PLXDC2: variants seen among roughly 807,000 people sequenced by gnomAD.
PLXDC2 encodes plexin domain containing 2.
Under a neutral mutation model 68.9 loss-of-function variants are expected in PLXDC2, and 40 were observed. The observed-to-expected ratio is 0.58, with a 90% confidence interval of 0.45 to 0.76. The LOEUF (loss-of-function observed/expected upper bound fraction) is 0.76. Among genes scored for constraint, PLXDC2 ranks in the 30% least tolerant of loss-of-function variants. The pLI is 0.00. For synonymous variants in PLXDC2, 243 were observed against 234.2 expected, an observed-to-expected ratio of 1.04 and a Z score of -0.34; for missense variants, 644 against 661.9, an observed-to-expected ratio of 0.97 and a Z score of 0.30.
At chr10:20,064,893 T>C (rs555385471) in intron 3 of PLXDC2, among the ~76,000 whole-genome samples, 6 of 25,712 alleles carry the variant, frequency 2.3e-4, no homozygotes, top group African/African-American at 1.0e-3. Context: ...GTTTTTGTTT[T>C]TTGTTTTGTT....
chr10:20,116,854 C>T (rs1291890374), intron 4 of PLXDC2, among the ~76,000 whole-genome samples: 1 of 151,862 alleles, frequency 6.6e-6, no homozygotes, highest in African/African-American at 2.4e-5. Flanking sequence ...TGCTTATTGC[C>T]TAATTGCAAG....
At chr10:20,019,053 G>C (rs1013827484) in intron 2 of PLXDC2, among the ~76,000 whole-genome samples, 10 of 152,228 alleles carry the variant, frequency 6.6e-5, no homozygotes, top group East Asian at 5.8e-4. Context: ...GCCAAGGCGA[G>C]AGGATCCCTT....
chr10:20,194,452 A>G (rs1224822724), intron 9 of PLXDC2, among the ~76,000 whole-genome samples: 1 of 152,036 alleles, frequency 6.6e-6, no homozygotes, highest in African/African-American at 2.4e-5. Context: ...AATTAATGAA[A>G]TTGAACAATG....
rs116822863 is a variant in PLXDC2 at position 20,286,749 on chromosome 10, G to A, written c.*6930G>A. ...TTCTTTTAGTTGTTGTTTGAGATGG[G>A]GTTTTGCTCTTGTTACCCAGGCTGG... On this transcript the variant is annotated 3_prime_UTR_variant, in exon 14 of 14. Transcript: ENST00000377252. The A allele has an allele frequency of 0.25, 37,702 of 151,722 alleles. 5,051 individuals carry two copies. The highest frequency in any genetic ancestry group is 0.46 in the East Asian group (2,358 of 5,086). The allele number at this position is 151,722 out of a possible 1,614,324, so 9.4% of individuals were successfully genotyped here.
intron 12 of PLXDC2, among the ~76,000 whole-genome samples, chr10:20,232,201 C>G (rs1835374184): frequency 6.6e-6 from 1 of 152,084 alleles, no homozygotes; most frequent in African/African-American, 2.4e-5. Flanking sequence ...ATTAGGATAG[C>G]TAAACACTAC....
chr10:19,968,315 C>A (rs575645063), intron 1 of PLXDC2, among the ~76,000 whole-genome samples: 1 of 152,066 alleles, frequency 6.6e-6, no homozygotes, highest in African/African-American at 2.4e-5. Flanking sequence ...TCCTTCATTG[C>A]TTTTTTGTTG....
At chr10:20,270,129 C>T (rs1290827455) in intron 13 of PLXDC2, among the ~76,000 whole-genome samples, 1 of 151,812 alleles carries the variant, frequency 6.6e-6, no homozygotes, top group Non-Finnish European at 1.5e-5. Flanking sequence ...AATGATGGTC[C>T]CAAGGGAGTT....
In PLXDC2 at chr10:20,281,468, ATTTT is replaced by A. The variant is rs1836081332; in HGVS notation, c.*1650_*1653del. 1 of 152,148 alleles carries A rather than the reference ATTTT, an allele frequency of 6.6e-6. No homozygotes were observed. Among genetic ancestry groups the A allele is most frequent in the African/African-American group, 2.4e-5 (1 of 41,426 alleles). The allele number at this position is 152,148 out of a possible 1,614,324, so 9.4% of individuals were successfully genotyped here. A position where few individuals can be genotyped will look rare whatever the true frequency, so the allele number is the denominator to read the frequency against. On this transcript the variant is annotated 3_prime_UTR_variant, in exon 14 of 14. Coordinates refer to ENST00000377252, the MANE Select transcript of PLXDC2 (RefSeq NM_032812.9). ...GAAGCAGAGATGTCTCATAAGCAGC[ATTTT>A]CCCAACAGTTTAGCATCTGTACACA...
chr10:20,265,531 T>C (rs1214223268), intron 13 of PLXDC2, among the ~76,000 whole-genome samples: 1 of 152,234 alleles, frequency 6.6e-6, no homozygotes, highest in African/African-American at 2.4e-5. Flanking sequence ...CACATATACA[T>C]GCACATTCTA....
At chr10:20,193,040 A>G (rs372527442) in intron 9 of PLXDC2, among the ~76,000 whole-genome samples, 65 of 152,170 alleles carry the variant, frequency 4.3e-4, no homozygotes, top group Middle Eastern at 3.4e-3. Flanking sequence ...TGCCCCATAA[A>G]TTATATGGCC....
At chr10:20,223,410 T>G (rs1835243497) in intron 12 of PLXDC2, among the ~76,000 whole-genome samples, 1 of 150,202 alleles carries the variant, frequency 6.7e-6, no homozygotes, top group Non-Finnish European at 1.5e-5. Context: ...CCTCCTGGGT[T>G]CAAGCGATTC....
chr10:19,888,736 G>T (rs1023822801), intron 1 of PLXDC2, among the ~76,000 whole-genome samples: 10 of 152,066 alleles, frequency 6.6e-5, no homozygotes, highest in Non-Finnish European at 1.3e-4. Context: ...GTTTGAGGTG[G>T]GATTGGCCAT....
chr10:19,908,622 A>G (rs940041987), intron 1 of PLXDC2, among the ~76,000 whole-genome samples: 1 of 152,304 alleles, frequency 6.6e-6, no homozygotes, highest in East Asian at 1.9e-4. Flanking sequence ...CTCAGGGATC[A>G]GTTAGAAGAC....
chr10:19,868,255 A>G (rs1837459355), intron 1 of PLXDC2, among the ~76,000 whole-genome samples: 1 of 151,806 alleles, frequency 6.6e-6, no homozygotes, highest in South Asian at 2.1e-4. Context: ...AGTTTTTTTG[A>G]TCCTCTCTCT....
At chr10:19,832,543 C>A (rs529238577) in intron 1 of PLXDC2, among the ~76,000 whole-genome samples, 139 of 152,280 alleles carry the variant, frequency 9.1e-4, no homozygotes, top group Non-Finnish European at 1.7e-3. Flanking sequence ...TTTGAAATAT[C>A]TTTGTAAAGT....
intron 4 of PLXDC2, among the ~76,000 whole-genome samples, chr10:20,080,813 G>A (rs531438299): frequency 2.0e-5 from 3 of 152,294 alleles, no homozygotes; most frequent in Non-Finnish European, 4.4e-5. Flanking sequence ...CCAAAATGTA[G>A]AGACACAGGC....
chr10:19,859,879 G>T (rs184574), intron 1 of PLXDC2, among the ~76,000 whole-genome samples: 85,739 of 151,804 alleles, frequency 0.56, 24,242 homozygotes, highest in East Asian at 0.7. Flanking sequence ...TTACAGGTGC[G>T]CTCCACCGTG....
At chr10:19,988,638 T>C (rs954186059) in intron 1 of PLXDC2, among the ~76,000 whole-genome samples, 2 of 152,074 alleles carry the variant, frequency 1.3e-5, no homozygotes, top group African/African-American at 4.8e-5. Flanking sequence ...ATTCATATTC[T>C]CACTGTACAG....
intron 1 of PLXDC2, among the ~76,000 whole-genome samples, chr10:19,818,765 C>G (rs986866199): frequency 6.6e-6 from 1 of 152,070 alleles, no homozygotes. Context: ...CAGGAAAGGA[C>G]ACAGTTATTT....
Sources: gnomAD v4.1 joint callset for allele counts (sites outside exome capture counted in the v4.1 genomes callset) on GRCh38, gnomAD v4.1.1 for gene constraint, MANE v1.5 for transcripts, NCBI Gene and HGNC (gene_info 2026-07-23, HGNC 2026-07-21) for gene names.